The following CAMSAP2 variants were observed in gnomAD, a reference collection of about 807,000 sequenced individuals.
CAMSAP2 encodes the protein calmodulin regulated spectrin associated protein family member 2.
A neutral mutation model predicts 146.1 loss-of-function variants in CAMSAP2; 26 were observed. The ratio of observed to expected loss-of-function variants is 0.18; its 90% confidence interval spans 0.13 to 0.25. CAMSAP2 has a LOEUF of 0.25. CAMSAP2 is among the 10% of genes least tolerant of loss of function. The pLI is 1.00. For synonymous variants in CAMSAP2, 499 were observed against 596.6 expected (o/e 0.84, Z 2.38); for missense variants, 1,381 against 1,759.3 (o/e 0.78, Z 3.85).
chr1:200,825,486 A>ATTCT lies in CAMSAP2; in HGVS notation c.646-6696_646-6693dup, dbSNP rs747246609. 2.1e-3 allele frequency among the ~76,000 whole-genome samples: 320 copies of ATTCT among 149,090 alleles called. 2 individuals are homozygous for ATTCT. Among genetic ancestry groups the ATTCT allele is most frequent in the Non-Finnish European group, 1.4e-3 (95 of 67,436 alleles). ...TTACTCCATACGGTCCCTAGAGATCATTCTTTCTTTCTTTCTTTCTTCCTT... is the reference window on the plus strand; with the variant it reads ...TTACTCCATACGGTCCCTAGAGATCATTCTTTCTTTCTTTCTTTCTTTCTTCCTT... On this transcript the variant is annotated intron_variant, in intron 4 of 16. Transcript: ENST00000358823.
At chr1:200,839,580 C>G (rs1571818589) in intron 6 of CAMSAP2, among the ~76,000 whole-genome samples, 1 of 152,090 alleles carries the variant, frequency 6.6e-6, no homozygotes, top group African/African-American at 2.4e-5. Flanking sequence ...GACCATTATT[C>G]TAAGTGAAGT....
chr1:200,758,589 T>C (rs571856685), intron 1 of CAMSAP2, among the ~76,000 whole-genome samples: 1 of 152,340 alleles, frequency 6.6e-6, no homozygotes, highest in South Asian at 2.1e-4. Flanking sequence ...AAATCCCAAA[T>C]TGATACATCC....
At position 200,813,899 on chromosome 1, in the gene CAMSAP2, G is replaced by A. The variant is rs573633664; in HGVS notation, c.562-1662G>A. 1.4e-4 allele frequency among the ~76,000 whole-genome samples: 21 copies of A among 151,888 alleles called. No individual in the cohort carries two copies. The South Asian group carries it at 4.0e-3, about 29-fold the overall frequency. ...GGATTGCTTGAGTCCAGGAGTTTAA[G>A]ACCAATCTGGGAAACAAGGTGAAAC... On this transcript the variant is annotated intron_variant, in intron 3 of 16. Transcript: ENST00000358823.
intron 6 of CAMSAP2, among the ~76,000 whole-genome samples, chr1:200,835,709 T>G (rs904569782): frequency 6.6e-6 from 1 of 152,214 alleles, no homozygotes; most frequent in Non-Finnish European, 1.5e-5. Context: ...CATATATATC[T>G]TGTAATGCTT....
intron 2 of CAMSAP2, among the ~76,000 whole-genome samples, chr1:200,765,147 A>G (rs966684012): frequency 1.3e-5 from 2 of 152,016 alleles, no homozygotes; most frequent in Admixed American, 6.6e-5. Context: ...ACTTCTCAAA[A>G]CAAAAACATT....
In CAMSAP2 at chr1:200,848,770, T is replaced by G; in HGVS notation, c.2001T>G (p.Thr667=). The G allele has an allele frequency of 6.2e-7, 1 of 1,614,172 alleles. No homozygotes were observed. Among genetic ancestry groups the G allele is most frequent in the South Asian group, 1.1e-5 (1 of 91,086 alleles). Residue 667 remains threonine (T), a synonymous_variant, in exon 11 of 17, where the codon ACT becomes ACG. Transcript: ENST00000358823. ...AAGCTTTGAGTCCTTGTCCAAGTAC[T>G]GTAAGTACCAAGTCTCAGCCAGGCA... ...TREALSPCPS[T]VSTKSQPGSS...
At chr1:200,751,326 A>T (rs1428506559) in intron 1 of CAMSAP2, among the ~76,000 whole-genome samples, 1 of 151,870 alleles carries the variant, frequency 6.6e-6, no homozygotes, top group African/African-American at 2.4e-5. Flanking sequence ...CCTTCAGTGT[A>T]TATCTCCTAT....
At chr1:200,825,751 C>T (rs924064905) in intron 4 of CAMSAP2, among the ~76,000 whole-genome samples, 1 of 152,068 alleles carries the variant, frequency 6.6e-6, no homozygotes, top group Non-Finnish European at 1.5e-5. Flanking sequence ...CGTGATCTAC[C>T]CGCCTTGGCC....
rs1382464376 is a variant in CAMSAP2, at chr1:200,760,825, A to T, written c.140-14A>T. The T allele has an allele frequency of 2.0e-6, 3 of 1,538,184 alleles. No individual in the cohort carries two copies. The Admixed American group carries it at 5.6e-5, about 29-fold the overall frequency. ...AAAATCTTGTAAGAGAATTTTTTCC[A>T]TTAATCTTTATAGAAAATGTGCCAG... On this transcript the variant is annotated splice_polypyrimidine_tract_variant and intron_variant, in intron 1 of 16. Transcript: ENST00000358823.
intron 2 of CAMSAP2, among the ~76,000 whole-genome samples, chr1:200,785,550 T>A (rs2103026176): frequency 6.6e-6 from 1 of 150,988 alleles, no homozygotes; most frequent in Admixed American, 6.6e-5. Context: ...CCACCACACC[T>A]GGGTAATTTT....
At chr1:200,790,887 C>A (rs1665731108) in intron 2 of CAMSAP2, among the ~76,000 whole-genome samples, 1 of 151,914 alleles carries the variant, frequency 6.6e-6, no homozygotes, top group African/African-American at 2.4e-5. Context: ...TCTTGTTGCC[C>A]AGGCTGGAGT....
At chr1:200,752,510 C>T (rs1278536542) in intron 1 of CAMSAP2, among the ~76,000 whole-genome samples, 1 of 151,992 alleles carries the variant, frequency 6.6e-6, no homozygotes, top group Non-Finnish European at 1.5e-5. Context: ...ACGTGATACT[C>T]TTATCTGATT....
intron 2 of CAMSAP2, among the ~76,000 whole-genome samples, chr1:200,764,171 AGT>A (rs1287745459): frequency 6.6e-6 from 1 of 152,202 alleles, no homozygotes; most frequent in Non-Finnish European, 1.5e-5. Flanking sequence ...CATGAAAAAT[AGT>A]GTGTTTAATT....
chr1:200,793,748 C>T (rs1665814339), intron 2 of CAMSAP2, among the ~76,000 whole-genome samples: 1 of 150,772 alleles, frequency 6.6e-6, no homozygotes, highest in Non-Finnish European at 1.5e-5. Flanking sequence ...CTTATTGATC[C>T]CTCTTCAGTT....
At position 200,822,469 on chromosome 1, in the gene CAMSAP2, G is replaced by T. The variant is rs117335533; in HGVS notation, c.645+6825G>T. Among the ~76,000 whole-genome samples the T allele has an allele frequency of 5.3e-5, 8 of 152,012 alleles. No homozygotes were observed. In the East Asian group the frequency reaches 1.5e-3, roughly 29 times the overall value. ...TTTTAATAGAATACTTCTCAATTTGGCTTTTTCTAATATTTCCTCATTATT... is the reference window on the plus strand; with the variant it reads ...TTTTAATAGAATACTTCTCAATTTGTCTTTTTCTAATATTTCCTCATTATT... On this transcript the variant is annotated intron_variant, in intron 4 of 16. Coordinates refer to ENST00000358823, the MANE Select transcript of CAMSAP2 (RefSeq NM_203459.4).
intron 1 of CAMSAP2, among the ~76,000 whole-genome samples, chr1:200,741,197 A>G (rs544590621): frequency 6.6e-6 from 1 of 152,308 alleles, no homozygotes; most frequent in South Asian, 2.1e-4. Flanking sequence ...CTTGACATTG[A>G]TGTGATTTTA....
chr1:200,830,837 C>T lies in CAMSAP2; in HGVS notation c.646-1363C>T, dbSNP rs2102213564. ...TCTATTATGCACTAATTAACAAGAA[C>T]CTTCAGAAATCTTTAAGAGGAAAAC... On this transcript the variant is annotated intron_variant, in intron 4 of 16. Transcript: ENST00000358823. Among the ~76,000 whole-genome samples the T allele has an allele frequency of 5.3e-5, 8 of 152,228 alleles. 1 individual carries two copies. The South Asian group carries it at 1.7e-3, about 32-fold the overall frequency.
intron 2 of CAMSAP2, among the ~76,000 whole-genome samples, chr1:200,781,640 C>T (rs1665434053): frequency 6.6e-6 from 1 of 152,070 alleles, no homozygotes; most frequent in Non-Finnish European, 1.5e-5. Context: ...CTCCCGGGCT[C>T]AGGTGATCCT....
rs745423312 is a variant in CAMSAP2, at chr1:200,849,266, T to A, written c.2497T>A (p.Ser833Thr). The change falls in exon 11 of 17, where the codon TCA (serine) becomes ACA (threonine). Residue 833 changes from serine (S) to threonine (T), a missense_variant. Coordinates refer to ENST00000358823, the MANE Select transcript of CAMSAP2 (RefSeq NM_203459.4). This position sits in a 1 kb window ranked among gnomAD's most constrained non-coding sequence, Gnocchi z 6.3. ...AAAAACTGATGGACAAAGGAGCAAG[T>A]CACTGGCAGATATAAAAGAGAGCAT... ...SQKTDGQRSK[S>T]LADIKESMEN... is the part of the protein sequence containing the mutation. 1.2e-6 allele frequency: 2 copies of A among 1,613,874 alleles called. No individual in the cohort carries two copies. Among genetic ancestry groups the A allele is most frequent in the Non-Finnish European group, 1.7e-6 (2 of 1,180,002 alleles).
Sources: allele counts gnomAD v4.1 joint callset (sites outside exome capture counted in the v4.1 genomes callset), GRCh38; gene constraint gnomAD v4.1.1; non-coding constraint Gnocchi (gnomAD v3.1); transcripts MANE v1.5; gene names NCBI Gene and HGNC (gene_info 2026-07-23, HGNC 2026-07-21).